TMED10: variants seen among roughly 807,000 people sequenced by gnomAD.
The protein encoded by TMED10 is transmembrane p24 trafficking protein 10, also known as transmembrane emp24 domain-containing protein 10.
In TMED10, 7 loss-of-function variants were observed where a neutral mutation model predicts 23.1. The observed-to-expected ratio is 0.30, with a 90% confidence interval of 0.17 to 0.57. TMED10 has a LOEUF of 0.57. TMED10 is among the 20% of genes least tolerant of loss of function. The pLI, the probability that TMED10 is intolerant of heterozygous loss-of-function variation, is 0.91. For synonymous variants in TMED10, 113 were observed against 106.9 expected, an observed-to-expected ratio of 1.06 and a Z score of -0.35; for missense variants, 162 against 274.8, an observed-to-expected ratio of 0.59 and a Z score of 2.90.
intron 1 of TMED10, among the ~76,000 whole-genome samples, 198 bp from the exon 2 acceptor site, chr14:75,152,341 T>C (rs1895964674): frequency 6.6e-6 from 1 of 152,226 alleles, no homozygotes; most frequent in African/African-American, 2.4e-5. Flanking sequence ...TCCATTCAAA[T>C]AGCCTAATCA....
At chr14:75,137,690 A>T (rs1895769021) in intron 3 of TMED10, among the ~76,000 whole-genome samples, 1 of 97,518 alleles carries the variant, frequency 1.0e-5, no homozygotes. Context: ...AAAAAAAAAA[A>T]ATTCTGTTTC....
intron 1 of TMED10, among the ~76,000 whole-genome samples, chr14:75,173,915 G>A (rs1418039083): frequency 6.6e-6 from 1 of 152,112 alleles, no homozygotes; most frequent in Non-Finnish European, 1.5e-5. Context: ...ATTTTTAGTA[G>A]AGACTGGATT....
chr14:75,152,785 A>G (rs1279861892), intron 1 of TMED10, among the ~76,000 whole-genome samples: 1 of 149,558 alleles, frequency 6.7e-6, no homozygotes, highest in East Asian at 2.0e-4. Context: ...TGTAATCCCA[A>G]ACTTTGGAAC....
At chr14:75,161,058 AG>A (rs1287335693) in intron 1 of TMED10, among the ~76,000 whole-genome samples, 1 of 152,170 alleles carries the variant, frequency 6.6e-6, no homozygotes, top group Non-Finnish European at 1.5e-5. Flanking sequence ...AAAAAAGAGA[AG>A]GAAAAAAAAG....
chr14:75,161,081 T>C (rs1896080168), intron 1 of TMED10, among the ~76,000 whole-genome samples: 1 of 152,144 alleles, frequency 6.6e-6, no homozygotes, highest in Non-Finnish European at 1.5e-5. Flanking sequence ...GTTAATTTTA[T>C]ATGCAGAGTA....
rs1385663076 is a variant in TMED10 at position 75,133,184 on chromosome 14, A to G, written c.*1701T>C. On this transcript the variant is annotated 3_prime_UTR_variant, in exon 5 of 5. Coordinates refer to ENST00000303575, the MANE Select transcript of TMED10 (RefSeq NM_006827.6). ...GTGACTGGCCATGCAAGGGTTGGAA[A>G]TTTTACTTATTTTTCCTTGGTAGAA... 1 of 152,166 alleles carries G rather than the reference A, an allele frequency of 6.6e-6. No homozygotes were observed. The highest frequency in any genetic ancestry group is 6.6e-5 in the Admixed American group (1 of 15,262). 9.4% of individuals were successfully genotyped at this position (152,166 alleles called of 1,614,324 possible).
intron 1 of TMED10, among the ~76,000 whole-genome samples, chr14:75,153,550 G>C (rs549637279): frequency 1.8e-4 from 27 of 152,300 alleles, no homozygotes; most frequent in African/African-American, 6.0e-4. Flanking sequence ...TTAGTAGAAA[G>C]CATATTTCAT....
At chr14:75,174,939 C>T (rs1002489380) in intron 1 of TMED10, among the ~76,000 whole-genome samples, 3 of 149,450 alleles carry the variant, frequency 2.0e-5, no homozygotes, top group African/African-American at 7.5e-5. Context: ...ACTCGGAAGG[C>T]TGAGGCAGGA....
At chr14:75,149,937 T>C (rs557281708) in intron 2 of TMED10, among the ~76,000 whole-genome samples, 2 of 152,270 alleles carry the variant, frequency 1.3e-5, no homozygotes, top group African/African-American at 4.8e-5. Context: ...AACCCGTCTC[T>C]ACTAAAAATA....
At chr14:75,135,272 CTA>C (rs1895735048) in intron 4 of TMED10, among the ~76,000 whole-genome samples, 1 of 152,004 alleles carries the variant, frequency 6.6e-6, no homozygotes, top group Admixed American at 6.6e-5. Flanking sequence ...AACTCTGTCT[CTA>C]TTAAAAATAC....
intron 1 of TMED10, among the ~76,000 whole-genome samples, chr14:75,174,741 CT>C (rs1376983734): frequency 6.6e-6 from 1 of 152,014 alleles, no homozygotes; most frequent in Non-Finnish European, 1.5e-5. Context: ...ATCTGAAACC[CT>C]TTTAAAAAGT....
intron 3 of TMED10, among the ~76,000 whole-genome samples, chr14:75,140,718 A>G (rs1222059361): frequency 6.6e-6 from 1 of 152,100 alleles, no homozygotes; most frequent in Non-Finnish European, 1.5e-5. Flanking sequence ...AAATAAATAA[A>G]TGAAGAAGTA....
At chr14:75,135,038 T>A (rs755461163) in intron 4 of TMED10, 32 bp from the exon 5 acceptor site, 1 of 1,611,804 alleles carries the variant, frequency 6.2e-7, no homozygotes, top group Non-Finnish European at 8.5e-7. Flanking sequence ...GTAAACATAA[T>A]GAAGTGAGCC....
At chr14:75,171,301 A>T (rs1252012055) in intron 1 of TMED10, among the ~76,000 whole-genome samples, 2 of 149,876 alleles carry the variant, frequency 1.3e-5, no homozygotes, top group Non-Finnish European at 3.0e-5. Flanking sequence ...TTTTTTTGAG[A>T]CAAAGTCTCG....
At chr14:75,164,560 TATATA>T (rs1896131689) in intron 1 of TMED10, among the ~76,000 whole-genome samples, 1 of 5,590 alleles carries the variant, frequency 1.8e-4, no homozygotes, top group African/African-American at 6.8e-4. Context: ...TATATATATA[TATATA>T]TATATATATA....
At chr14:75,143,923 T>C (rs1292716390) in intron 3 of TMED10, among the ~76,000 whole-genome samples, 2 of 116,952 alleles carry the variant, frequency 1.7e-5, no homozygotes, top group Non-Finnish European at 3.4e-5. Context: ...AACTGAGTGA[T>C]ACTCTGTCTC....
At chr14:75,151,391 G>T (rs375499797) in intron 2 of TMED10, among the ~76,000 whole-genome samples, 2 of 150,806 alleles carry the variant, frequency 1.3e-5, no homozygotes, top group East Asian at 3.9e-4. Flanking sequence ...AGCTAATTTT[G>T]TATTTTTAGT....
chr14:75,156,470 T>C (rs763345955), intron 1 of TMED10, among the ~76,000 whole-genome samples: 12 of 152,052 alleles, frequency 7.9e-5, no homozygotes, highest in Non-Finnish European at 1.5e-4. Context: ...CTGAGTCTAC[T>C]GGACCAGCAC....
Position 75,161,215 on chromosome 14 carries a change from C to A in TMED10, c.226-9072G>T, listed in dbSNP as rs1896081653. On this transcript the variant is annotated intron_variant, in intron 1 of 4. Coordinates refer to ENST00000303575, the MANE Select transcript of TMED10 (RefSeq NM_006827.6). The stretch of plus-strand genomic sequence containing the variant: ...GACCGTGCTAGGCAGTGGCTGGAAA[C>A]AGATTTTTGAGCAGGTCCTGCCACT... 3.3e-5 allele frequency among the ~76,000 whole-genome samples: 5 copies of A among 152,158 alleles called. No individual in the cohort carries two copies. In the South Asian group the frequency reaches 1.0e-3, roughly 32 times the overall value.
Sources: allele counts gnomAD v4.1 joint callset (sites outside exome capture counted in the v4.1 genomes callset), GRCh38; gene constraint gnomAD v4.1.1; transcripts MANE v1.5; gene names NCBI Gene and HGNC (gene_info 2026-07-23, HGNC 2026-07-21).